Variants in RAB38 observed in about 807,000 individuals in gnomAD.
RAB38 encodes the protein RAB38, member RAS oncogene family, also known as ras-related protein Rab-38.
A neutral mutation model predicts 18.4 loss-of-function variants in RAB38; 15 were observed. That is an observed-to-expected ratio of 0.82 (90% CI 0.55 to 1.26). The LOEUF (loss-of-function observed/expected upper bound fraction) is 1.26, where lower values mean the gene tolerates loss of function less well. RAB38 is among the 50% of genes most tolerant of loss of function. The pLI, the probability that RAB38 is intolerant of heterozygous loss-of-function variation, is 0.00. For synonymous variants in RAB38, 101 were observed against 104.4 expected, an observed-to-expected ratio of 0.97 and a Z score of 0.20; for missense variants, 294 against 267.4, an observed-to-expected ratio of 1.10 and a Z score of -0.69.
At chr11:87,850,737 CACACACACAT>C in the RAB38 span, among the ~76,000 whole-genome samples, 3 of 151,798 alleles carry the variant, frequency 2.0e-5, no homozygotes, top group Non-Finnish European at 2.9e-5. Context: ...CACACACACA[CACACACACAT>C]ACACACACAC....
At chr11:88,128,208 C>CA (rs1408157660) in intron 2 of RAB38, among the ~76,000 whole-genome samples, 5 of 152,164 alleles carry the variant, frequency 3.3e-5, no homozygotes, top group Admixed American at 3.3e-4. Flanking sequence ...AGTCCTCTTT[C>CA]TGGCATCCGT....
chr11:88,032,432 A>G, the RAB38 span, among the ~76,000 whole-genome samples: 12 of 152,360 alleles, frequency 7.9e-5, no homozygotes, highest in East Asian at 2.3e-3. Flanking sequence ...GTACCATCAG[A>G]GTGAACAGGC....
At chr11:88,005,398 TA>T in the RAB38 span, among the ~76,000 whole-genome samples, 4 of 131,102 alleles carry the variant, frequency 3.1e-5, no homozygotes, top group South Asian at 2.8e-4. Context: ...TAAAAACCAT[TA>T]AAAAAAATAT....
the RAB38 span, among the ~76,000 whole-genome samples, chr11:88,064,402 A>T: frequency 6.6e-6 from 1 of 152,210 alleles, no homozygotes; most frequent in African/African-American, 2.4e-5. Flanking sequence ...GCCATTCCCA[A>T]GCCTGGCCTG....
chr11:88,110,411 T>C (rs1942457554), downstream of RAB38, among the ~76,000 whole-genome samples: 1 of 151,974 alleles, frequency 6.6e-6, no homozygotes, highest in African/African-American at 2.4e-5. Flanking sequence ...TTAGGAGAAA[T>C]ACCTAATGCA....
the RAB38 span, among the ~76,000 whole-genome samples, chr11:87,849,487 A>G: frequency 4.6e-5 from 7 of 152,194 alleles, no homozygotes; most frequent in African/African-American, 1.7e-4. Flanking sequence ...CACAGACAGA[A>G]CTGTTCCCTC....
chr11:88,028,273 T>A, the RAB38 span, among the ~76,000 whole-genome samples: 2 of 151,878 alleles, frequency 1.3e-5, no homozygotes, highest in South Asian at 4.2e-4. Context: ...ACCACAAAGA[T>A]GGGGAAAAAA....
the RAB38 span, among the ~76,000 whole-genome samples, chr11:87,821,830 G>T: frequency 6.7e-6 from 1 of 148,222 alleles, no homozygotes; most frequent in Non-Finnish European, 1.5e-5. Context: ...CACCCTGGGC[G>T]AAAGAGCGAC....
At chr11:87,867,440 G>T in the RAB38 span, among the ~76,000 whole-genome samples, 1 of 151,794 alleles carries the variant, frequency 6.6e-6, no homozygotes, top group African/African-American at 2.4e-5. Flanking sequence ...TAATCTAAAA[G>T]TCATTTAACC....
the RAB38 span, chr11:87,817,108 T>A: frequency 6.6e-6 from 1 of 152,142 alleles, no homozygotes; most frequent in Non-Finnish European, 1.5e-5. Context: ...TAATTAGGAT[T>A]TTCCAACTGT....
the RAB38 span, among the ~76,000 whole-genome samples, chr11:87,977,925 TGACACC>T: frequency 1.8e-5 from 2 of 113,132 alleles, no homozygotes; most frequent in African/African-American, 7.1e-5. Flanking sequence ...AAATATGTAG[TGACACC>T]TTTATATAAT....
chr11:87,906,728 A>T, the RAB38 span, among the ~76,000 whole-genome samples: 342 of 152,024 alleles, frequency 2.2e-3, 3 homozygotes, highest in Non-Finnish European at 3.9e-3. Context: ...GTACTCTTCC[A>T]AAATTTTGCC....
At chr11:87,954,985 C>A in the RAB38 span, among the ~76,000 whole-genome samples, 2 of 151,532 alleles carry the variant, frequency 1.3e-5, no homozygotes, top group African/African-American at 4.9e-5. Context: ...TACTAAGTAG[C>A]GGGTTGGAGT....
the RAB38 span, among the ~76,000 whole-genome samples, chr11:87,956,436 C>G: frequency 1.3e-5 from 2 of 152,144 alleles, no homozygotes; most frequent in Non-Finnish European, 2.9e-5. Context: ...CTTCACTATT[C>G]TCTGCTGCAG....
chr11:87,902,158 G>T, the RAB38 span, among the ~76,000 whole-genome samples: 1 of 151,650 alleles, frequency 6.6e-6, no homozygotes, highest in South Asian at 2.1e-4. Context: ...CATACGGCTA[G>T]TAAGTGGTGG....
chr11:87,946,256 A>G, the RAB38 span, among the ~76,000 whole-genome samples: 9 of 152,118 alleles, frequency 5.9e-5, no homozygotes, highest in East Asian at 7.7e-4. Flanking sequence ...CTGGTCAGTT[A>G]TTTAGCTCTT....
chr11:88,023,815 A>G, the RAB38 span, among the ~76,000 whole-genome samples: 1 of 152,158 alleles, frequency 6.6e-6, no homozygotes, highest in Non-Finnish European at 1.5e-5. Context: ...TCTTCAATAA[A>G]TGATGCTGGG....
chr11:87,822,484 A>G, the RAB38 span, among the ~76,000 whole-genome samples: 1 of 152,250 alleles, frequency 6.6e-6, no homozygotes, highest in East Asian at 1.9e-4. Context: ...GTTGACAGGT[A>G]TAGTCATCTC....
At chr11:88,076,195 T>C in the RAB38 span, among the ~76,000 whole-genome samples, 1 of 151,780 alleles carries the variant, frequency 6.6e-6, no homozygotes. Flanking sequence ...AACAACTATA[T>C]ACCAATAAAT....
Sources: gnomAD v4.1 joint callset for allele counts (sites outside exome capture counted in the v4.1 genomes callset) on GRCh38, gnomAD v4.1.1 for gene constraint, MANE v1.5 for transcripts, NCBI Gene and HGNC (gene_info 2026-07-23, HGNC 2026-07-21) for gene names.